Variants in SYNE1 observed in about 807,000 individuals in gnomAD.
SYNE1 encodes the protein nesprin-1.
SYNE1 carries 616 observed loss-of-function variants against 1,111.0 expected under a neutral mutation model. The ratio of observed to expected loss-of-function variants is 0.55; its 90% CI spans 0.52 to 0.59. The LOEUF (loss-of-function observed/expected upper bound fraction) is 0.59. Among genes scored for constraint, SYNE1 ranks in the 20% least tolerant of loss-of-function variants. The probability of loss-of-function intolerance (pLI) is 0.00; values close to 1 mark genes in which losing one functional copy is unlikely to be tolerated. For synonymous variants in SYNE1, 3,855 were observed against 3,825.8 expected (o/e 1.01, Z -0.28); for missense variants, 10,006 against 10,417.0 (o/e 0.96, Z 1.72).
intron 63 of SYNE1, among the ~76,000 whole-genome samples, chr6:152,363,304 C>CA (rs2096972313): frequency 6.8e-6 from 1 of 147,178 alleles, no homozygotes; most frequent in Non-Finnish European, 1.5e-5. Flanking sequence ...GCCATCCTGG[C>CA]TAACACAGTG....
chr6:152,461,737 T>C lies in SYNE1; in HGVS notation c.2254A>G (p.Ile752Val). 6.2e-7 allele frequency: 1 copy of C among 1,614,028 alleles called. No individual in the cohort carries two copies. The highest frequency in any genetic ancestry group is 8.5e-7 in the Non-Finnish European group (1 of 1,179,950). ...VKLLIQDLED[I>V]EQRVPVMDAQ... ...TCCATCACAGGCACCCTCTGCTCAA[T>C]ATCCTGCATGAATCATTGAAACAGC... Residue 752 changes from isoleucine (I) to valine (V), a missense_variant, in exon 21 of 146, where the codon ATT becomes GTT. By Grantham distance (29) the Ile-to-Val change is conservative (BLOSUM62 3). This residue lies in a region of SYNE1 where 1,971 missense variants were observed against 2,084.1 expected (regional missense o/e 0.95). Coordinates refer to ENST00000367255, the MANE Select transcript of SYNE1 (RefSeq NM_182961.4).
At chr6:152,162,396 T>C (rs2062699635) in intron 131 of SYNE1, among the ~76,000 whole-genome samples, 1 of 152,182 alleles carries the variant, frequency 6.6e-6, no homozygotes, top group African/African-American at 2.4e-5. Flanking sequence ...CTCTCTACCA[T>C]CATTTTATTG....
chr6:152,145,496 T>A (rs1489164237), intron 137 of SYNE1: 1 of 1,613,936 alleles, frequency 6.2e-7, no homozygotes, highest in South Asian at 1.1e-5. Context: ...CCGGAGGTAT[T>A]TTTGATTGCA....
intron 72 of SYNE1, among the ~76,000 whole-genome samples, chr6:152,348,968 T>C (rs553693414): frequency 1.6e-4 from 24 of 152,328 alleles, no homozygotes; most frequent in Non-Finnish European, 3.1e-4. Flanking sequence ...AGGCCATTCA[T>C]GGGGTAGACT....
At chr6:152,264,659 G>A (rs1458300024) in intron 100 of SYNE1, among the ~76,000 whole-genome samples, 1 of 152,004 alleles carries the variant, frequency 6.6e-6, no homozygotes, top group African/African-American at 2.4e-5. Flanking sequence ...AATTAGCCAG[G>A]CATGGTGGTA....
chr6:152,432,412 T>A (rs1191877366), intron 34 of SYNE1, among the ~76,000 whole-genome samples: 3 of 152,278 alleles, frequency 2.0e-5, no homozygotes, highest in Admixed American at 2.0e-4. Flanking sequence ...CTTTGCTTAT[T>A]TCTAGCAAAT....
chr6:152,277,270 T>C (rs988139195), intron 98 of SYNE1, among the ~76,000 whole-genome samples: 7 of 125,206 alleles, frequency 5.6e-5, no homozygotes, highest in African/African-American at 1.5e-4. Context: ...TTTTCTTTTT[T>C]TTTTTTTTTT....
chr6:152,212,340 C>T (rs2077679293), intron 123 of SYNE1, among the ~76,000 whole-genome samples: 1 of 152,144 alleles, frequency 6.6e-6, no homozygotes, highest in Admixed American at 6.6e-5. Flanking sequence ...CTATGAATTA[C>T]TTACTCTGGA....
In SYNE1 at chr6:152,416,795, G is replaced by A; in HGVS notation, c.5642C>T (p.Ser1881Phe). The A allele has an allele frequency of 6.2e-7, 1 of 1,614,186 alleles. No homozygotes were observed. Among genetic ancestry groups the A allele is most frequent in the South Asian group, 1.1e-5 (1 of 91,076 alleles). The change falls in exon 41 of 146, where the codon TCC (serine) becomes TTC (phenylalanine). Residue 1881 changes from serine (S) to phenylalanine (F), a missense_variant. Coordinates refer to ENST00000367255, the MANE Select transcript of SYNE1 (RefSeq NM_182961.4). ...AEFLQSHASL[S>F]GILRQLRQTV... is the part of the protein sequence containing the mutation. ...TTGCCTCAGCTGGCGGAGAATGCCG[G>A]ACAGAGAGGCATGGCTCTGGAGGAA...
intron 117 of SYNE1, 66 bp downstream of exon 117, chr6:152,224,428 T>C: frequency 7.2e-7 from 1 of 1,379,320 alleles, no homozygotes; most frequent in Non-Finnish European, 1.0e-6. Flanking sequence ...GATGTCTCCA[T>C]TTGGTAATTT....
chr6:152,523,307 G>T (rs527343415), intron 5 of SYNE1, among the ~76,000 whole-genome samples: 7 of 152,110 alleles, frequency 4.6e-5, no homozygotes, highest in Admixed American at 3.3e-4. Flanking sequence ...TTATTAAATA[G>T]GATGTCATTT....
At chr6:152,411,988 C>A (rs182135859) in intron 42 of SYNE1, among the ~76,000 whole-genome samples, 2 of 152,080 alleles carry the variant, frequency 1.3e-5, no homozygotes, top group African/African-American at 2.4e-5. Flanking sequence ...TAAAAACTTA[C>A]GTACATGCAA....
chr6:152,441,566 T>A (rs1194006947), intron 31 of SYNE1, among the ~76,000 whole-genome samples: 1 of 151,644 alleles, frequency 6.6e-6, no homozygotes, highest in African/African-American at 2.4e-5. Context: ...GACAAAAAAA[T>A]AAAAAAGGCC....
At chr6:152,287,658 T>C (rs1374670135) in intron 95 of SYNE1, among the ~76,000 whole-genome samples, 2 of 152,208 alleles carry the variant, frequency 1.3e-5, no homozygotes, top group African/African-American at 4.8e-5. Flanking sequence ...GTGATTCTCC[T>C]GCCTCAGCCT....
intron 38 of SYNE1, 74 bp downstream of exon 38, chr6:152,427,619 T>TTTA (rs2098380843): frequency 6.5e-7 from 1 of 1,548,662 alleles, no homozygotes; most frequent in African/African-American, 1.4e-5. Flanking sequence ...GTTTATTTAT[T>TTTA]TTATTATTTT....
intron 38 of SYNE1, among the ~76,000 whole-genome samples, chr6:152,427,227 G>C (rs1378698936): frequency 6.6e-6 from 1 of 151,994 alleles, no homozygotes; most frequent in African/African-American, 2.4e-5. Context: ...TCTTCCATAA[G>C]AATAATCATT....
chr6:152,483,658 C>A (rs2098922111), intron 13 of SYNE1, among the ~76,000 whole-genome samples: 1 of 151,878 alleles, frequency 6.6e-6, no homozygotes, highest in Non-Finnish European at 1.5e-5. Flanking sequence ...AATGAGAATC[C>A]CATTAAAACC....
At chr6:152,604,146 C>A (rs78259904) in intron 3 of SYNE1, among the ~76,000 whole-genome samples, 1,603 of 147,764 alleles carry the variant, frequency 0.011, 26 homozygotes, top group African/African-American at 0.039. Context: ...CAGATAAAGT[C>A]TCCAACCCTT....
chr6:152,484,230 AG>A (rs375732514), intron 13 of SYNE1, among the ~76,000 whole-genome samples: 39 of 152,054 alleles, frequency 2.6e-4, no homozygotes, highest in African/African-American at 9.2e-4. Context: ...AATAAAATAA[AG>A]TAAAGAATAT....
Sources: gnomAD v4.1 joint callset for allele counts (sites outside exome capture counted in the v4.1 genomes callset) on GRCh38, gnomAD v4.1.1 for gene constraint, gnomAD v4.1.1 regional missense constraint, MANE v1.5 for transcripts, NCBI Gene and HGNC (gene_info 2026-07-23, HGNC 2026-07-21) for gene names.